Variants in ZNF608 observed in about 807,000 individuals in gnomAD.
ZNF608 encodes zinc finger protein 608.
In ZNF608, 12 loss-of-function variants were observed where a neutral mutation model predicts 109.0. The observed-to-expected ratio is 0.11, with a 90% CI of 0.07 to 0.18. The LOEUF (loss-of-function observed/expected upper bound fraction) is 0.18, where lower values mean the gene tolerates loss of function less well. ZNF608 is among the 10% of genes least tolerant of loss of function. ZNF608 has a pLI of 1.00. For missense variants in ZNF608, 1,707 were observed against 1,879.3 expected (o/e 0.91, Z 1.70); for synonymous variants, 732 against 717.4 (o/e 1.02, Z -0.33).
In ZNF608 at chr5:124,701,153, T is replaced by C. The variant is rs544045798; in HGVS notation, c.1023A>G (p.Glu341=). 6.5e-4 allele frequency: 1,042 copies of C among 1,614,094 alleles called. 9 individuals carry two copies. In the South Asian group the frequency reaches 0.011, roughly 17 times the overall value. Residue 341 remains glutamate, a synonymous_variant, in exon 3 of 10, where the codon GAA becomes GAG. Coordinates refer to ENST00000513986, the MANE Select transcript of ZNF608 (RefSeq NM_020747.3). ...CAGAACGAGTCCGAACCAAAAGCTG[T>C]TCAACCGGTGCTGCAATATTGGATG... The part of the protein sequence containing the change: ...PSSSNIAAPV[E]QLLVRTRSVG...
chr5:124,676,713 T>C (rs1751960541), intron 3 of ZNF608, among the ~76,000 whole-genome samples: 2 of 152,168 alleles, frequency 1.3e-5, no homozygotes, highest in African/African-American at 4.8e-5. Flanking sequence ...AATGGATAAA[T>C]AATAATGGTA....
At chr5:124,702,505 T>TC (rs1753093557) in intron 2 of ZNF608, among the ~76,000 whole-genome samples, 1 of 151,746 alleles carries the variant, frequency 6.6e-6, no homozygotes, top group Non-Finnish European at 1.5e-5. Flanking sequence ...GTTTTGGTTT[T>TC]TTTTTTTGAA....
At chr5:124,732,120 T>C (rs1309000558) in intron 2 of ZNF608, among the ~76,000 whole-genome samples, 3 of 152,142 alleles carry the variant, frequency 2.0e-5, no homozygotes, top group African/African-American at 7.2e-5. Context: ...AAAAGGATCA[T>C]GATACCAAAA....
At chr5:124,708,981 G>A (rs1753376028) in intron 2 of ZNF608, among the ~76,000 whole-genome samples, 1 of 152,036 alleles carries the variant, frequency 6.6e-6, no homozygotes, top group Non-Finnish European at 1.5e-5. Flanking sequence ...AGACCAGCCT[G>A]ACCAACATGG....
At chr5:124,638,523 G>A (rs968908167) in intron 9 of ZNF608, among the ~76,000 whole-genome samples, 2 of 152,148 alleles carry the variant, frequency 1.3e-5, no homozygotes, top group African/African-American at 4.8e-5. Context: ...TCCCAAAGTG[G>A]TGGGACTACA....
At chr5:124,724,257 T>G (rs1485477248) in intron 2 of ZNF608, among the ~76,000 whole-genome samples, 1 of 152,006 alleles carries the variant, frequency 6.6e-6, no homozygotes, top group African/African-American at 2.4e-5. Context: ...TTCGAGGACA[T>G]ACAAAACTGT....
intron 3 of ZNF608, among the ~76,000 whole-genome samples, chr5:124,680,898 AT>A (rs1165119175): frequency 1.3e-5 from 2 of 152,130 alleles, no homozygotes; most frequent in African/African-American, 4.8e-5. Flanking sequence ...CATGAGGGAA[AT>A]GAAAAAGCAA....
At chr5:124,717,402 C>T (rs1015452350) in intron 2 of ZNF608, among the ~76,000 whole-genome samples, 1 of 152,070 alleles carries the variant, frequency 6.6e-6, no homozygotes, top group South Asian at 2.1e-4. Context: ...ACCCAAGAGG[C>T]GGAAATTGCA....
intron 2 of ZNF608, among the ~76,000 whole-genome samples, chr5:124,701,695 A>G (rs1753059084): frequency 6.6e-6 from 1 of 152,266 alleles, no homozygotes; most frequent in Non-Finnish European, 1.5e-5. Flanking sequence ...ATGAAATAAA[A>G]TTGTTTTCAA....
chr5:124,655,073 C>T (rs2149796820), intron 3 of ZNF608, among the ~76,000 whole-genome samples: 1 of 152,312 alleles, frequency 6.6e-6, no homozygotes, highest in African/African-American at 2.4e-5. Context: ...GAACTAACTA[C>T]ACGAGGACTG....
At chr5:124,695,632 G>T (rs1752816234) in intron 3 of ZNF608, among the ~76,000 whole-genome samples, 1 of 152,028 alleles carries the variant, frequency 6.6e-6, no homozygotes, top group South Asian at 2.1e-4. Context: ...AGCTGGTGTG[G>T]TGGTATGCAC....
At chr5:124,668,075 G>A (rs1751553511) in intron 3 of ZNF608, among the ~76,000 whole-genome samples, 1 of 151,718 alleles carries the variant, frequency 6.6e-6, no homozygotes, top group South Asian at 2.1e-4. Context: ...ACAAAGGCCA[G>A]GCATGGTGGC....
chr5:124,680,166 A>T (rs190452036), intron 3 of ZNF608, among the ~76,000 whole-genome samples: 1 of 152,298 alleles, frequency 6.6e-6, no homozygotes, highest in East Asian at 1.9e-4. Flanking sequence ...CAAGCAAACC[A>T]CAATAATGAT....
intron 3 of ZNF608, among the ~76,000 whole-genome samples, chr5:124,697,126 A>G (rs73296696): frequency 0.1 from 15,591 of 151,906 alleles, 1,006 homozygotes; most frequent in African/African-American, 0.16. Context: ...GTAAGAAAGT[A>G]AAAGCGTCGT....
Position 124,704,588 on chromosome 5 carries a change from T to C in ZNF608, c.907-3319A>G, listed in dbSNP as rs115341035. On this transcript the variant is annotated intron_variant, in intron 2 of 9. Coordinates refer to ENST00000513986, the MANE Select transcript of ZNF608 (RefSeq NM_020747.3). ...TGTTACTTTTTAAAACATTCCAGTT[T>C]TTTTTAGCAACACTTTAATAAATTA... Among the ~76,000 whole-genome samples the C allele has an allele frequency of 6.6e-3, 1,011 of 152,328 alleles. 6 individuals are homozygous for C. Among genetic ancestry groups the C allele is most frequent in the Non-Finnish European group, 0.011 (761 of 68,026 alleles).
At chr5:124,747,313 T>A (rs1749673857), upstream of ZNF608, among the ~76,000 whole-genome samples, 1 of 151,794 alleles carries the variant, frequency 6.6e-6, no homozygotes, top group South Asian at 2.1e-4. Flanking sequence ...CCCCGGAGCT[T>A]GGCTTAGTAT....
At chr5:124,679,433 C>CTCCCTCCT (rs766544703) in intron 3 of ZNF608, among the ~76,000 whole-genome samples, 28 of 150,424 alleles carry the variant, frequency 1.9e-4, no homozygotes, top group East Asian at 1.2e-3. Context: ...CCCTCCCTCC[C>CTCCCTCCT]TCCTTCCTTC....
In ZNF608 at chr5:124,729,287, A is replaced by G. The variant is rs1383637312; in HGVS notation, c.906+14797T>C. ...TGAGCTTCACAGCTGCAGTTTGGGA[A>G]GAACAGGCTAGCCCAGGCCTCCAAG... On this transcript the variant is annotated intron_variant, in intron 2 of 9. Transcript: ENST00000513986. Among the ~76,000 whole-genome samples, 3 of 152,352 alleles carry G rather than the reference A, an allele frequency of 2.0e-5. No homozygotes were observed. The South Asian group carries it at 6.2e-4, about 32-fold the overall frequency.
chr5:124,688,636 G>A (rs1752490425), intron 3 of ZNF608, among the ~76,000 whole-genome samples: 1 of 152,116 alleles, frequency 6.6e-6, no homozygotes, highest in Non-Finnish European at 1.5e-5. Context: ...CCTGAAAATT[G>A]ATCCCAGCAT....
Sources: allele counts gnomAD v4.1 joint callset (sites outside exome capture counted in the v4.1 genomes callset), GRCh38; gene constraint gnomAD v4.1.1; transcripts MANE v1.5; gene names NCBI Gene and HGNC (gene_info 2026-07-23, HGNC 2026-07-21).